DAB1: variants seen among roughly 807,000 people sequenced by gnomAD.
DAB1 encodes the protein DAB adaptor protein 1.
In DAB1, 15 loss-of-function variants were observed where a neutral mutation model predicts 64.6. The ratio of observed to expected loss-of-function variants is 0.23; its 90% CI spans 0.16 to 0.36. DAB1 has a LOEUF of 0.36. DAB1 is among the 10% of genes least tolerant of loss of function. DAB1 has a pLI of 1.00. For missense variants in DAB1, 596 were observed against 706.7 expected, an observed-to-expected ratio of 0.84 and a Z score of 1.78; for synonymous variants, 235 against 251.9, an observed-to-expected ratio of 0.93 and a Z score of 0.64.
chr1:57,435,231 T>C (rs1685655027), intron 7 of DAB1, among the ~76,000 whole-genome samples: 1 of 151,852 alleles, frequency 6.6e-6, no homozygotes, highest in Admixed American at 6.6e-5. Flanking sequence ...GTATTTTTAG[T>C]AGAGATGGGG....
intron 5 of DAB1, among the ~76,000 whole-genome samples, chr1:57,901,740 G>A (rs913360704): frequency 6.6e-6 from 1 of 152,174 alleles, no homozygotes; most frequent in African/African-American, 2.4e-5. Flanking sequence ...GTTAGTTCAG[G>A]CACTGCAAAG....
Position 58,017,614 on chromosome 1 carries a change from C to A in DAB1, n.387+132897G>T, listed in dbSNP as rs147668112. Among the ~76,000 whole-genome samples, 259 of 152,346 alleles carry A rather than the reference C, an allele frequency of 1.7e-3. 2 individuals carry two copies. Among genetic ancestry groups the A allele is most frequent in the African/African-American group, 5.9e-3 (244 of 41,574 alleles). On this transcript the variant is annotated intron_variant and non_coding_transcript_variant, in intron 5 of 20. Coordinates refer to the DAB1 transcript ENST00000485760. Reference sequence around the variant, plus strand: ...AATTCTGCTGCCACCTTGGGCAAGTCACCCAAACTCCCTTTGGCCCTGCCT... The same window carrying A: ...AATTCTGCTGCCACCTTGGGCAAGTAACCCAAACTCCCTTTGGCCCTGCCT...
intron 1 of DAB1, among the ~76,000 whole-genome samples, chr1:57,423,318 T>A (rs1376548018): frequency 6.6e-6 from 1 of 151,212 alleles, no homozygotes; most frequent in East Asian, 2.0e-4. Flanking sequence ...CCACAGAGGA[T>A]CCGAAGAAAG....
intron 5 of DAB1, among the ~76,000 whole-genome samples, chr1:58,005,833 T>C (rs1050233258): frequency 6.6e-6 from 1 of 152,138 alleles, no homozygotes; most frequent in Admixed American, 6.5e-5. Context: ...ATATGTCCCA[T>C]TCATTATGAT....
chr1:57,141,890 C>G (rs906660757), intron 3 of DAB1, among the ~76,000 whole-genome samples: 1 of 152,160 alleles, frequency 6.6e-6, no homozygotes, highest in Admixed American at 6.5e-5. Flanking sequence ...ACGGGCAAAA[C>G]TGTGTCTTGT....
intron 2 of DAB1, among the ~76,000 whole-genome samples, chr1:57,162,416 G>A (rs1007916762): frequency 2.6e-5 from 4 of 152,358 alleles, no homozygotes; most frequent in African/African-American, 9.6e-5. Flanking sequence ...TGAGTCTGAG[G>A]TCATAGGCAG....
intron 5 of DAB1, among the ~76,000 whole-genome samples, chr1:57,942,269 G>A (rs755022365): frequency 1.3e-5 from 2 of 152,184 alleles, no homozygotes; most frequent in Non-Finnish European, 2.9e-5. Context: ...CTGAGCAGCT[G>A]CAATGCATCA....
At chr1:58,058,467 G>A (rs1356188743) in intron 5 of DAB1, among the ~76,000 whole-genome samples, 1 of 152,080 alleles carries the variant, frequency 6.6e-6, no homozygotes, top group Non-Finnish European at 1.5e-5. Flanking sequence ...AGCCACGCTC[G>A]ACTGTTGCAT....
chr1:57,070,675 G>A, intron 7 of DAB1: 1 of 252,302 alleles, frequency 4.0e-6, no homozygotes, highest in Non-Finnish European at 7.7e-6. Context: ...TTAACTCAGA[G>A]AAGCCACCTC....
Position 57,291,091 on chromosome 1 carries a change from C to T in DAB1, c.-61G>A, listed in dbSNP as rs1226218260. The T allele has an allele frequency of 8.6e-7, 1 of 1,167,806 alleles. No homozygotes were observed. The highest frequency in any genetic ancestry group is 1.2e-6 in the Non-Finnish European group (1 of 806,500). The allele number at this position is 1,167,806 out of a possible 1,614,324, so 72.3% of individuals were successfully genotyped here. On this transcript the variant is annotated 5_prime_UTR_variant, in exon 2 of 15. Coordinates refer to ENST00000371236, the MANE Select transcript of DAB1 (RefSeq NM_001365792.1). ...GGGCCTCGGCCAGGCTCATTGAGGACTCTTCTCCAAGAGAAAGACTCCTCC... is the reference window on the plus strand; with the variant it reads ...GGGCCTCGGCCAGGCTCATTGAGGATTCTTCTCCAAGAGAAAGACTCCTCC...
chr1:57,678,004 G>T (rs1646588382), intron 6 of DAB1, among the ~76,000 whole-genome samples: 3 of 152,110 alleles, frequency 2.0e-5, no homozygotes, highest in Admixed American at 6.5e-5. Context: ...TGATGTCTGG[G>T]TACTGCTTCT....
chr1:57,092,675 G>T (rs1327796725), intron 4 of DAB1, among the ~76,000 whole-genome samples: 1 of 119,838 alleles, frequency 8.3e-6, no homozygotes, highest in Admixed American at 8.9e-5. Context: ...GGCGGGGGAG[G>T]GGGGTGGGGG....
In DAB1 at chr1:57,176,370, G is replaced by A. The variant is rs564087553; in HGVS notation, c.68-30941C>T. ...CATGGCAGCCAACAAGATGGCTTGTGCAGGGAAACCCCCGTTTTTAAAACC... is the reference window on the plus strand; with the variant it reads ...CATGGCAGCCAACAAGATGGCTTGTACAGGGAAACCCCCGTTTTTAAAACC... On this transcript the variant is annotated intron_variant, in intron 2 of 14. Coordinates refer to ENST00000371236, the MANE Select transcript of DAB1 (RefSeq NM_001365792.1). 2.0e-5 allele frequency among the ~76,000 whole-genome samples: 3 copies of A among 152,194 alleles called. No homozygotes were observed. In the South Asian group the frequency reaches 6.2e-4, roughly 32 times the overall value.
chr1:58,330,151 T>C (rs1294316367), intron 4 of DAB1, among the ~76,000 whole-genome samples: 3 of 152,192 alleles, frequency 2.0e-5, no homozygotes, highest in Admixed American at 6.5e-5. Flanking sequence ...AGTGCATACA[T>C]GAATGATGAA....
intron 7 of DAB1, among the ~76,000 whole-genome samples, chr1:57,441,422 C>T (rs1481551483): frequency 1.3e-5 from 2 of 151,244 alleles, no homozygotes; most frequent in East Asian, 1.9e-4. Context: ...CTGACCTGAA[C>T]ATAGCTCATT....
intron 4 of DAB1, among the ~76,000 whole-genome samples, chr1:58,291,334 C>T (rs1436837961): frequency 6.6e-6 from 1 of 152,168 alleles, no homozygotes; most frequent in African/African-American, 2.4e-5. Flanking sequence ...GCCTTCTCTT[C>T]TCTTTCTCTT....
chr1:57,432,404 A>G (rs1203176549), intron 7 of DAB1, among the ~76,000 whole-genome samples: 1 of 152,064 alleles, frequency 6.6e-6, no homozygotes, highest in Non-Finnish European at 1.5e-5. Context: ...TCAGTGCAAC[A>G]CACTTCTTAA....
At chr1:57,161,628 A>T (rs1241313410) in intron 2 of DAB1, among the ~76,000 whole-genome samples, 1 of 152,242 alleles carries the variant, frequency 6.6e-6, no homozygotes, top group Non-Finnish European at 1.5e-5. Flanking sequence ...ATGTATTTTT[A>T]AAATTTTTGT....
At chr1:57,017,770 C>T (rs1646482228) in intron 11 of DAB1, among the ~76,000 whole-genome samples, 1 of 152,180 alleles carries the variant, frequency 6.6e-6, no homozygotes, top group South Asian at 2.1e-4. Context: ...AAATTTCAAA[C>T]GTGAAGCTTG....
Sources: allele counts gnomAD v4.1 joint callset (sites outside exome capture counted in the v4.1 genomes callset), GRCh38; gene constraint gnomAD v4.1.1; transcripts MANE v1.5; gene names NCBI Gene and HGNC (gene_info 2026-07-23, HGNC 2026-07-21).